TMEM132C: variants seen among roughly 807,000 people sequenced by gnomAD.
TMEM132C encodes protein phosphatase 1, regulatory subunit 152.
A neutral mutation model predicts 61.4 loss-of-function variants in TMEM132C; 29 were observed. That is an observed-to-expected ratio of 0.47 (90% CI 0.35 to 0.64). The LOEUF (loss-of-function observed/expected upper bound fraction) is 0.64. Among genes scored for constraint, TMEM132C ranks in the 30% least tolerant of loss-of-function variants. The pLI is 0.00. For synonymous variants in TMEM132C, 656 were observed against 633.1 expected (o/e 1.04, Z -0.54); for missense variants, 1,408 against 1,476.9 (o/e 0.95, Z 0.76).
At chr12:128,683,135 C>T (rs1426403113) in intron 5 of TMEM132C, among the ~76,000 whole-genome samples, 1 of 152,084 alleles carries the variant, frequency 6.6e-6, no homozygotes, top group Non-Finnish European at 1.5e-5. Context: ...AGGCTGTCAT[C>T]CTGGAAGCCT....
At chr12:128,520,379 A>G (rs1485794242) in intron 2 of TMEM132C, among the ~76,000 whole-genome samples, 1 of 152,192 alleles carries the variant, frequency 6.6e-6, no homozygotes, top group Non-Finnish European at 1.5e-5. Flanking sequence ...TTCCCTTTGA[A>G]TGGATGTGAG....
chr12:128,403,928 G>T (rs1875251600), intron 1 of TMEM132C, among the ~76,000 whole-genome samples: 1 of 152,182 alleles, frequency 6.6e-6, no homozygotes, highest in Admixed American at 6.5e-5. Flanking sequence ...ATCAGGGTTT[G>T]TCAACCTCAG....
chr12:128,498,427 G>C (rs922976774), intron 2 of TMEM132C, among the ~76,000 whole-genome samples: 2 of 152,192 alleles, frequency 1.3e-5, no homozygotes, highest in Non-Finnish European at 1.5e-5. Flanking sequence ...TGTAATCCCA[G>C]CACTTTGAGA....
At chr12:128,483,072 T>A (rs2136092782) in intron 2 of TMEM132C, among the ~76,000 whole-genome samples, 1 of 151,096 alleles carries the variant, frequency 6.6e-6, no homozygotes, top group Non-Finnish European at 1.5e-5. Flanking sequence ...GTCTGGGCAA[T>A]ATAGCAAGAC....
intron 2 of TMEM132C, among the ~76,000 whole-genome samples, chr12:128,513,576 C>T (rs577543298): frequency 1.3e-5 from 2 of 152,082 alleles, no homozygotes; most frequent in African/African-American, 2.4e-5. Flanking sequence ...GTGAGATGTG[C>T]GTGAGAGGGA....
intron 1 of TMEM132C, among the ~76,000 whole-genome samples, chr12:128,302,263 G>T (rs920906492): frequency 2.6e-5 from 4 of 152,160 alleles, no homozygotes; most frequent in Non-Finnish European, 4.4e-5. Context: ...TAATTTTTGG[G>T]TCTTGGAAGG....
At chr12:128,520,790 A>G (rs1396595812) in intron 2 of TMEM132C, among the ~76,000 whole-genome samples, 2 of 152,026 alleles carry the variant, frequency 1.3e-5, no homozygotes, top group Non-Finnish European at 2.9e-5. Context: ...TCTTTTACAG[A>G]CTAAGAGTTT....
At chr12:128,584,340 A>G (rs1435471175) in intron 3 of TMEM132C, among the ~76,000 whole-genome samples, 2 of 152,116 alleles carry the variant, frequency 1.3e-5, no homozygotes, top group East Asian at 3.9e-4. Flanking sequence ...AGCACATGTC[A>G]CCTCCTCCAG....
chr12:128,575,457 C>T lies in TMEM132C; in HGVS notation c.1121+31354C>T, dbSNP rs529920692. On this transcript the variant is annotated intron_variant, in intron 3 of 8. Transcript: ENST00000435159. The stretch of plus-strand genomic sequence containing the variant: ...TGGCGCCATTGCACTCCAGCCTGGG[C>T]GACAGAGTGAGACTCCGTCTCAAAA... Among the ~76,000 whole-genome samples the T allele has an allele frequency of 1.5e-3, 222 of 150,442 alleles. 1 individual carries two copies. Among genetic ancestry groups the T allele is most frequent in the African/African-American group, 5.0e-3 (206 of 40,820 alleles).
chr12:128,415,733 C>T lies in TMEM132C; in HGVS notation c.974+113C>T, dbSNP rs1259659218. The T allele has an allele frequency of 1.2e-5, 15 of 1,284,356 alleles. No homozygotes were observed. The highest frequency in any genetic ancestry group is 1.6e-5 in the South Asian group (1 of 61,736). 79.6% of individuals were successfully genotyped at this position (1,284,356 alleles called of 1,614,324 possible). ...ATCGATTTTCACTACCTTCAGGGAC[C>T]GTTTGGCATTAACAGGGGAAGGCAA... On this transcript the variant is annotated intron_variant, in intron 2 of 8. Transcript: ENST00000435159. The surrounding 1 kb of genome is among the most constrained non-coding windows in gnomAD (Gnocchi z 5.8).
chr12:128,333,804 G>T (rs1000274244), intron 1 of TMEM132C, among the ~76,000 whole-genome samples: 2 of 150,674 alleles, frequency 1.3e-5, no homozygotes, highest in African/African-American at 4.9e-5. Context: ...GCTTGTTTGT[G>T]GTGTGTGTTG....
chr12:128,400,597 T>C (rs867216065), intron 1 of TMEM132C, among the ~76,000 whole-genome samples: 95 of 19,544 alleles, frequency 4.9e-3, no homozygotes, highest in African/African-American at 0.018. Flanking sequence ...CCCCATTCTT[T>C]TGTTTTTTTT....
chr12:128,677,528 G>A (rs573255027), intron 5 of TMEM132C, among the ~76,000 whole-genome samples: 1 of 152,224 alleles, frequency 6.6e-6, no homozygotes, highest in South Asian at 2.1e-4. Context: ...GAGTCAGTTA[G>A]CAAGGAAAAT....
At chr12:128,698,139 G>A (rs1235159250) in intron 8 of TMEM132C, among the ~76,000 whole-genome samples, 1 of 118,702 alleles carries the variant, frequency 8.4e-6, no homozygotes, top group Non-Finnish European at 2.1e-5. Flanking sequence ...CATATTGTAG[G>A]TGCTCAATAA....
intron 7 of TMEM132C, 25 bp downstream of exon 7, chr12:128,696,128 C>A (rs1954761578): frequency 6.5e-7 from 1 of 1,545,820 alleles, no homozygotes; most frequent in South Asian, 1.2e-5. Flanking sequence ...GTCTCTGTGT[C>A]CCCAGCACTG....
chr12:128,392,825 T>C (rs538394810), intron 1 of TMEM132C, among the ~76,000 whole-genome samples: 1 of 152,148 alleles, frequency 6.6e-6, no homozygotes, highest in African/African-American at 2.4e-5. Context: ...TGTCTTAATG[T>C]TTTTAAAATG....
Position 128,362,866 on chromosome 12 carries a change from G to T in TMEM132C, c.86-51866G>T, listed in dbSNP as rs551254644. Among the ~76,000 whole-genome samples the T allele has an allele frequency of 4.5e-4, 69 of 152,222 alleles. 1 individual carries two copies. Among genetic ancestry groups the T allele is most frequent in the South Asian group, 3.5e-3 (17 of 4,816 alleles). On this transcript the variant is annotated intron_variant, in intron 1 of 8. Coordinates refer to ENST00000435159, the MANE Select transcript of TMEM132C (RefSeq NM_001136103.3). The stretch of plus-strand genomic sequence containing the variant: ...CTGAAGTTCATGAAAGTGATTTTTT[G>T]GTGAGCTGCTCCAACCACAAAGCCT...
intron 1 of TMEM132C, among the ~76,000 whole-genome samples, chr12:128,321,091 G>T (rs1872314629): frequency 1.3e-5 from 2 of 150,376 alleles, no homozygotes; most frequent in Middle Eastern, 3.5e-3. Context: ...GCCCAGCCAT[G>T]ATTTGTAGGA....
At chr12:128,292,731 G>C (rs1381492266) in intron 1 of TMEM132C, among the ~76,000 whole-genome samples, 1 of 152,040 alleles carries the variant, frequency 6.6e-6, no homozygotes, top group Non-Finnish European at 1.5e-5. Context: ...CTTCATAAGT[G>C]TACTTAGTAC....
Sources: gnomAD v4.1 joint callset for allele counts (sites outside exome capture counted in the v4.1 genomes callset) on GRCh38, gnomAD v4.1.1 for gene constraint, Gnocchi (gnomAD v3.1) non-coding constraint, MANE v1.5 for transcripts, NCBI Gene and HGNC (gene_info 2026-07-23, HGNC 2026-07-21) for gene names.